Variants in RLIM observed in about 807,000 individuals in gnomAD.
RLIM encodes E3 ubiquitin-protein ligase RLIM.
In RLIM, 2 loss-of-function variants were observed where a neutral mutation model predicts 34.0. The ratio of observed to expected loss-of-function variants is 0.06; its 90% CI spans 0.02 to 0.19. The LOEUF (loss-of-function observed/expected upper bound fraction) is 0.19, where lower values mean the gene tolerates loss of function less well. Ranked by LOEUF, RLIM falls within the 10% of genes least tolerant of loss-of-function variation. RLIM has a pLI of 1.00. For synonymous variants in RLIM, 169 were observed against 164.0 expected, an observed-to-expected ratio of 1.03 and a Z score of -0.23; for missense variants, 286 against 479.7, an observed-to-expected ratio of 0.60 and a Z score of 3.77.
intron 1 of RLIM, among the ~76,000 whole-genome samples, chrX:74,598,778 CAAAAAAA>C (rs36109028): frequency 1.5e-5 from 1 of 65,894 alleles, no homozygotes; most frequent in Admixed American, 1.6e-4. Context: ...GACTCTGTTT[CAAAAAAA>C]AAAAAAAAAA....
At chrX:74,612,444 C>G (rs1345094324) in intron 1 of RLIM, 4 of 111,286 alleles carry the variant, frequency 3.6e-5, no homozygotes. Flanking sequence ...CCATTCTTAT[C>G]ATGAAGAATA....
chrX:74,610,030 T>C lies in RLIM; in HGVS notation c.-24+4392A>G, dbSNP rs2819592. ...GTAGTTGCAAAATTATTGCAAGAAA[T>C]CCACCAATCTATGTAATGCACCAAG... On this transcript the variant is annotated intron_variant, in intron 1 of 3. Coordinates refer to ENST00000332687, the MANE Select transcript of RLIM (RefSeq NM_016120.4). Among the ~76,000 whole-genome samples, 863 of 112,310 alleles carry C rather than the reference T, an allele frequency of 7.7e-3. 13 individuals carry two copies. The highest frequency in any genetic ancestry group is 0.027 in the African/African-American group (821 of 30,932).
intron 1 of RLIM, among the ~76,000 whole-genome samples, chrX:74,601,902 G>A (rs2079663230): frequency 8.9e-6 from 1 of 111,830 alleles, no homozygotes; most frequent in Non-Finnish European, 1.9e-5. Flanking sequence ...TGTTGATGCT[G>A]AACCTAGAAT....
chrX:74,605,028 T>C (rs2079676979), intron 1 of RLIM, among the ~76,000 whole-genome samples: 1 of 111,214 alleles, frequency 9.0e-6, no homozygotes, highest in Non-Finnish European at 1.9e-5. Context: ...TGGGCTGGAA[T>C]TGGGGGTCAA....
At chrX:74,614,048 C>T (rs959191420) in intron 1 of RLIM, among the ~76,000 whole-genome samples, 6 of 109,815 alleles carry the variant, frequency 5.5e-5, no homozygotes, top group Non-Finnish European at 9.5e-5. Context: ...TCAGGGAAGC[C>T]TCCAGAGAAC....
At chrX:74,610,707 T>C (rs1171682636) in intron 1 of RLIM, among the ~76,000 whole-genome samples, 4 of 108,996 alleles carry the variant, frequency 3.7e-5, no homozygotes, top group African/African-American at 1.3e-4. Context: ...CTGGCCAATA[T>C]GGTGAAACCC....
At chrX:74,609,105 T>A (rs773935959) in intron 1 of RLIM, among the ~76,000 whole-genome samples, 22 of 111,750 alleles carry the variant, frequency 2.0e-4, no homozygotes, top group African/African-American at 7.1e-4. Flanking sequence ...ACAATGTTGG[T>A]GTTCATCAGT....
intron 3 of RLIM, 100 bp downstream of exon 3, chrX:74,594,206 A>G: frequency 1.8e-6 from 1 of 552,076 alleles, no homozygotes; most frequent in Non-Finnish European, 2.8e-6. Flanking sequence ...GCACCAAATT[A>G]ATTTGTGCCA....
At chrX:74,606,587 T>C (rs1327126219) in intron 1 of RLIM, among the ~76,000 whole-genome samples, 2 of 111,948 alleles carry the variant, frequency 1.8e-5, no homozygotes, top group African/African-American at 6.5e-5. Context: ...TTTTAAAAAA[T>C]TTAATTGTTA....
chrX:74,613,186 GTAGT>G (rs1305141198), intron 1 of RLIM, among the ~76,000 whole-genome samples: 1 of 111,076 alleles, frequency 9.0e-6, no homozygotes, highest in Non-Finnish European at 1.9e-5. Flanking sequence ...GGGGTGATAA[GTAGT>G]TACTCTGTCT....
intron 1 of RLIM, among the ~76,000 whole-genome samples, chrX:74,609,498 A>G: frequency 1.1e-5 from 1 of 88,430 alleles, no homozygotes; most frequent in South Asian, 4.2e-4. Context: ...AAAAAAAAAA[A>G]AAAAAAAAAA....
intron 2 of RLIM, among the ~76,000 whole-genome samples, chrX:74,594,968 T>C (rs1326886857): frequency 9.2e-6 from 1 of 108,294 alleles, no homozygotes; most frequent in East Asian, 2.9e-4. Context: ...ACATCTGTAG[T>C]GCCAGCTCGT....
chrX:74,605,867 C>T lies in RLIM; in HGVS notation c.-24+8555G>A, dbSNP rs756287695. The stretch of plus-strand genomic sequence containing the variant: ...CACCTCTACAGGTGACAAACAGAAG[C>T]ACAGAGAAAGAAAGTGATTTACCAA... On this transcript the variant is annotated intron_variant, in intron 1 of 3. Transcript: ENST00000332687. Among the ~76,000 whole-genome samples the T allele has an allele frequency of 3.6e-5, 4 of 111,048 alleles. No homozygotes were observed. In the South Asian group the frequency reaches 1.5e-3, roughly 42 times the overall value.
intron 1 of RLIM, among the ~76,000 whole-genome samples, chrX:74,600,282 CTAAAAAAA>C (rs1418629275): frequency 1.9e-4 from 21 of 109,299 alleles, no homozygotes; most frequent in Non-Finnish European, 1.1e-4. Flanking sequence ...AAAACAGGCA[CTAAAAAAA>C]TACAAAACAA....
rs1211735453 is a variant in RLIM at position 74,586,946 on chromosome X, C to G, written c.*4494G>C. 9.0e-6 allele frequency: 1 copy of G among 110,838 alleles called. No homozygotes were observed. The highest frequency in any genetic ancestry group is 9.7e-5 in the Admixed American group (1 of 10,341). The allele number at this position is 110,838 out of a possible 1,213,427, so 9.1% of individuals were successfully genotyped here. A position where few individuals can be genotyped will look rare whatever the true frequency, so the allele number is the denominator to read the frequency against. On this transcript the variant is annotated 3_prime_UTR_variant, in exon 4 of 4. Transcript: ENST00000332687. ...CCATCTCCACAAAAAATTAGCCAGGCAATGTGGTGCATGCCTGTAGTCCCA... is the reference window on the plus strand; with the variant it reads ...CCATCTCCACAAAAAATTAGCCAGGGAATGTGGTGCATGCCTGTAGTCCCA...
At chrX:74,593,190 T>G (rs1448065379) in intron 3 of RLIM, 129 bp from the exon 4 acceptor site, 5 of 690,423 alleles carry the variant, frequency 7.2e-6, no homozygotes, top group Non-Finnish European at 1.0e-5. Context: ...TTACAGATTT[T>G]TACAAACTAT....
chrX:74,603,945 C>T (rs2079671926), intron 1 of RLIM, among the ~76,000 whole-genome samples: 1 of 109,930 alleles, frequency 9.1e-6, no homozygotes, highest in South Asian at 3.9e-4. Flanking sequence ...CCCGTCTCTA[C>T]TAAAAATACA....
At chrX:74,593,120 CAT>C in intron 3 of RLIM, 59 bp from the exon 4 acceptor site, 4 of 1,080,945 alleles carry the variant, frequency 3.7e-6, no homozygotes, top group Non-Finnish European at 4.9e-6. Flanking sequence ...TGAGGACAAT[CAT>C]ATAAGTGCTC....
At position 74,592,314 on chromosome X, in the gene RLIM, C is replaced by T. The variant is rs751629408; in HGVS notation, c.1001G>A (p.Arg334Gln). The change falls in exon 4 of 4, where the codon CGG becomes CAG. Residue 334 changes from arginine to glutamine, a missense_variant. Coordinates refer to ENST00000332687, the MANE Select transcript of RLIM (RefSeq NM_016120.4). ...TCTGCTGGCTATGCTATCTCTCTGC[C>T]GATATTCTCCAGGACGAACTCTTCT... The part of the protein sequence containing the change: ...QVRRVRPGEY[R>Q]QRDSIASRTR... The T allele has an allele frequency of 1.1e-5, 13 of 1,211,301 alleles. No individual in the cohort carries two copies. Among genetic ancestry groups the T allele is most frequent in the South Asian group, 1.8e-5 (1 of 56,969 alleles).
Sources: allele counts gnomAD v4.1 joint callset (sites outside exome capture counted in the v4.1 genomes callset), GRCh38; gene constraint gnomAD v4.1.1; transcripts MANE v1.5; gene names NCBI Gene and HGNC (gene_info 2026-07-23, HGNC 2026-07-21).